The following STXBP5L variants were observed in gnomAD, a reference collection of about 807,000 sequenced individuals.
STXBP5L encodes syntaxin-binding protein 5-like.
A neutral mutation model predicts 144.5 loss-of-function variants in STXBP5L; 65 were observed. The observed-to-expected ratio is 0.45, with a 90% CI of 0.37 to 0.55. The LOEUF is 0.55. STXBP5L is among the 20% of genes least tolerant of loss of function. STXBP5L has a pLI of 0.00. For missense variants in STXBP5L, 1,298 were observed against 1,405.5 expected, an observed-to-expected ratio of 0.92 and a Z score of 1.22; for synonymous variants, 505 against 469.6, an observed-to-expected ratio of 1.08 and a Z score of -0.97.
At chr3:121,374,506 G>C (rs1424531465) in intron 20 of STXBP5L, among the ~76,000 whole-genome samples, 3 of 151,924 alleles carry the variant, frequency 2.0e-5, no homozygotes, top group African/African-American at 2.4e-5. Flanking sequence ...TTAAAATAAC[G>C]ATCTTAAGGA....
chr3:121,115,819 AAGC>A (rs2044208388), intron 6 of STXBP5L, among the ~76,000 whole-genome samples: 1 of 152,128 alleles, frequency 6.6e-6, no homozygotes, highest in Non-Finnish European at 1.5e-5. Context: ...CATATAATGA[AAGC>A]AGGAGCAAGA....
At chr3:121,250,608 AGTG>A in intron 14 of STXBP5L, 112 bp from the exon 15 acceptor site, 1 of 815,412 alleles carries the variant, frequency 1.2e-6, no homozygotes, top group East Asian at 2.7e-5. Context: ...TTTTCATTAA[AGTG>A]GTATTTTTGA....
chr3:121,254,802 C>A (rs1180716772), intron 15 of STXBP5L, 93 bp from the exon 16 acceptor site: 1 of 1,140,520 alleles, frequency 8.8e-7, no homozygotes, highest in Non-Finnish European at 1.2e-6. Context: ...CTTAGGTTTA[C>A]TTTTGTTGTT....
At chr3:121,184,059 G>A (rs75074621) in intron 9 of STXBP5L, among the ~76,000 whole-genome samples, 1 of 151,912 alleles carries the variant, frequency 6.6e-6, no homozygotes, top group Non-Finnish European at 1.5e-5. Flanking sequence ...CCATACAAAG[G>A]TCACCAACAT....
intron 5 of STXBP5L, among the ~76,000 whole-genome samples, chr3:121,051,465 A>T (rs1341675536): frequency 2.0e-5 from 3 of 152,230 alleles, no homozygotes; most frequent in East Asian, 1.9e-4. Flanking sequence ...TGGAAACTGA[A>T]CAACCTGCTC....
At chr3:121,157,879 A>G (rs573197002) in intron 9 of STXBP5L, 6 of 399,220 alleles carry the variant, frequency 1.5e-5, no homozygotes, top group Non-Finnish European at 2.6e-5. Flanking sequence ...AAATTGGATA[A>G]TGGATGGTTG....
At chr3:121,024,503 G>A (rs908391160) in intron 3 of STXBP5L, among the ~76,000 whole-genome samples, 7 of 152,046 alleles carry the variant, frequency 4.6e-5, no homozygotes, top group Non-Finnish European at 7.4e-5. Context: ...GTCAGCTCTC[G>A]GATACATTCA....
intron 22 of STXBP5L, among the ~76,000 whole-genome samples, chr3:121,388,781 G>A (rs551961059): frequency 6.6e-6 from 1 of 152,242 alleles, no homozygotes; most frequent in East Asian, 1.9e-4. Flanking sequence ...ATGTGCTGCT[G>A]GATTCGTTTG....
intron 20 of STXBP5L, among the ~76,000 whole-genome samples, chr3:121,341,635 A>G (rs2044716559): frequency 6.6e-6 from 1 of 152,134 alleles, no homozygotes; most frequent in African/African-American, 2.4e-5. Flanking sequence ...CAGTGGATGA[A>G]TGGATAAAGA....
chr3:121,416,363 G>C (rs1002981011), intron 25 of STXBP5L, among the ~76,000 whole-genome samples: 2 of 151,004 alleles, frequency 1.3e-5, no homozygotes, highest in Non-Finnish European at 3.0e-5. Flanking sequence ...TATTCAGAAT[G>C]TAAGATTTAT....
chr3:121,300,506 A>C (rs2051846464), intron 19 of STXBP5L, among the ~76,000 whole-genome samples: 3 of 152,192 alleles, frequency 2.0e-5, no homozygotes, highest in Admixed American at 2.0e-4. Flanking sequence ...AGAGAAGTAT[A>C]CAGAATTATA....
intron 3 of STXBP5L, among the ~76,000 whole-genome samples, chr3:120,984,499 A>G (rs1942097622): frequency 6.6e-6 from 1 of 151,390 alleles, no homozygotes; most frequent in Non-Finnish European, 1.5e-5. Flanking sequence ...CAATTCATTT[A>G]TTAGTTCTAA....
chr3:120,982,080 A>G (rs767705147), intron 3 of STXBP5L, among the ~76,000 whole-genome samples: 6 of 152,174 alleles, frequency 3.9e-5, no homozygotes, highest in Non-Finnish European at 8.8e-5. Context: ...TCATTCCTCA[A>G]CACTGTGGAC....
intron 20 of STXBP5L, among the ~76,000 whole-genome samples, chr3:121,363,121 G>A (rs1351857941): frequency 6.6e-6 from 1 of 152,136 alleles, no homozygotes. Flanking sequence ...GCAAGACAAA[G>A]TCCTCTCCAC....
At chr3:121,356,144 G>T (rs2045504808) in intron 20 of STXBP5L, among the ~76,000 whole-genome samples, 1 of 152,248 alleles carries the variant, frequency 6.6e-6, no homozygotes, top group Non-Finnish European at 1.5e-5. Context: ...GGCTGAACAG[G>T]TGTCAGCGAC....
intron 19 of STXBP5L, among the ~76,000 whole-genome samples, chr3:121,308,425 C>T (rs1056005428): frequency 6.7e-6 from 1 of 150,150 alleles, no homozygotes; most frequent in Non-Finnish European, 1.5e-5. Context: ...AGAAAGTGAA[C>T]CTAGATTGTA....
intron 22 of STXBP5L, among the ~76,000 whole-genome samples, chr3:121,387,945 A>T (rs1176493360): frequency 6.6e-6 from 1 of 152,154 alleles, no homozygotes; most frequent in Non-Finnish European, 1.5e-5. Context: ...GAAGAAAGTC[A>T]TTGGTAGCTT....
chr3:121,335,602 C>T (rs1285668401), intron 20 of STXBP5L, among the ~76,000 whole-genome samples: 1 of 152,076 alleles, frequency 6.6e-6, no homozygotes, highest in Non-Finnish European at 1.5e-5. Flanking sequence ...CAAAAACAGA[C>T]ACATAGACCA....
chr3:121,209,558 A>G (rs1577215815), intron 10 of STXBP5L, among the ~76,000 whole-genome samples: 1 of 151,952 alleles, frequency 6.6e-6, no homozygotes, highest in East Asian at 1.9e-4. Context: ...CATTAGGTAT[A>G]TCTCCTAATG....
Sources: gnomAD v4.1 joint callset for allele counts (sites outside exome capture counted in the v4.1 genomes callset) on GRCh38, gnomAD v4.1.1 for gene constraint, MANE v1.5 for transcripts, NCBI Gene and HGNC (gene_info 2026-07-23, HGNC 2026-07-21) for gene names.